The following CATSPER1 variants were observed in gnomAD, a reference collection of about 807,000 sequenced individuals.
CATSPER1 encodes the protein cation channel sperm associated 1, also known as cation channel sperm-associated protein 1.
In CATSPER1, 57 loss-of-function variants were observed where a neutral mutation model predicts 72.7. That is an observed-to-expected ratio of 0.78 (90% CI 0.63 to 0.98). The LOEUF (loss-of-function observed/expected upper bound fraction) is 0.98. Among genes scored for constraint, CATSPER1 ranks in the 50% least tolerant of loss-of-function variants. The pLI is 0.00. For missense variants in CATSPER1, 910 were observed against 1,033.9 expected, an observed-to-expected ratio of 0.88 and a Z score of 1.64; for synonymous variants, 363 against 403.0, an observed-to-expected ratio of 0.90 and a Z score of 1.19.
chr11:66,019,016 G>A, intron 9 of CATSPER1, 114 bp from the exon 10 acceptor site: 1 of 878,456 alleles, frequency 1.1e-6, no homozygotes, highest in South Asian at 1.4e-5. Context: ...GCTGCTCCAG[G>A]AGGTTGCTTC....
At position 66,021,576 on chromosome 11, in the gene CATSPER1, G is replaced by A. The variant is rs757135673; in HGVS notation, c.1611C>T (p.Tyr537=). The A allele has an allele frequency of 6.2e-7, 1 of 1,613,310 alleles. No homozygotes were observed. The highest frequency in any genetic ancestry group is 8.5e-7 in the Non-Finnish European group (1 of 1,179,672). ...TGAGGATCCGGAAGAGGCTTTGGTGGTAGATGGCGAAGGAGTGGGTCTGCA... is the reference window on the plus strand; with the variant it reads ...TGAGGATCCGGAAGAGGCTTTGGTGATAGATGGCGAAGGAGTGGGTCTGCA... ...LLMQTHSFAI[Y]HQSLFRILKV... is the part of the protein sequence containing the mutation. Residue 537 remains tyrosine (Y), a synonymous_variant, in exon 4 of 12, where the codon TAC becomes TAT. Transcript: ENST00000312106.
At chr11:66,017,797 C>T (rs1856269647) in intron 10 of CATSPER1, among the ~76,000 whole-genome samples, 1 of 152,186 alleles carries the variant, frequency 6.6e-6, no homozygotes, top group South Asian at 2.1e-4. Flanking sequence ...GCTGCTGACA[C>T]TTTGAGGCAT....
At position 66,018,249 on chromosome 11, in the gene CATSPER1, C is replaced by T. The variant is rs1056254433; in HGVS notation, c.2201+578G>A. ...GAAAAAAGAAAAAAAGAGAAAGATACATGAGGGTTTACCAGGCTTGGGCAG... is the reference window on the plus strand; with the variant it reads ...GAAAAAAGAAAAAAAGAGAAAGATATATGAGGGTTTACCAGGCTTGGGCAG... On this transcript the variant is annotated intron_variant, in intron 10 of 11. Transcript: ENST00000312106. 5.9e-5 allele frequency among the ~76,000 whole-genome samples: 9 copies of T among 151,276 alleles called. 1 individual carries two copies. In the South Asian group the frequency reaches 1.0e-3, roughly 18 times the overall value.
In CATSPER1 at chr11:66,017,193, G is replaced by GGGGGGGGGGGGA; in HGVS notation, c.2202-20_2202-19insTCCCCCCCCCCC. On this transcript the variant is annotated intron_variant, in intron 10 of 11. Coordinates refer to ENST00000312106, the MANE Select transcript of CATSPER1 (RefSeq NM_053054.4). ...CTGCTGCCTGCGGGTGGGCGGGGGG[G>GGGGGGGGGGGGA]TCGCAGAGACAGGGGCTGGGCTGAC... 4.1e-6 allele frequency: 2 copies of GGGGGGGGGGGGA among 493,810 alleles called. No individual in the cohort carries two copies. The highest frequency in any genetic ancestry group is 4.0e-6 in the Non-Finnish European group (1 of 252,616). 30.6% of individuals were successfully genotyped at this position (493,810 alleles called of 1,614,324 possible).
In CATSPER1 at chr11:66,023,093, G is replaced by A. The variant is rs1856411456; in HGVS notation, c.1217-32C>T. Reference sequence around the variant, plus strand: ...GGAACAGGGCCAGAAAGTCAAGTGTGTGCAAGAGGGGACACGAGGTCCCAG... The same window carrying A: ...GGAACAGGGCCAGAAAGTCAAGTGTATGCAAGAGGGGACACGAGGTCCCAG... On this transcript the variant is annotated intron_variant, in intron 1 of 11. Coordinates refer to ENST00000312106, the MANE Select transcript of CATSPER1 (RefSeq NM_053054.4). 1.9e-6 allele frequency: 3 copies of A among 1,592,988 alleles called. No homozygotes were observed. In the African/African-American group the frequency reaches 4.0e-5, roughly 21 times the overall value.
In CATSPER1 at chr11:66,021,559, C is replaced by A; in HGVS notation, c.1628G>T (p.Arg543Leu). 6.2e-7 allele frequency: 1 copy of A among 1,613,750 alleles called. No individual in the cohort carries two copies. The highest frequency in any genetic ancestry group is 8.5e-7 in the Non-Finnish European group (1 of 1,179,910). ...SFAIYHQSLF[R>L]ILKVFKSLRA... ...CAGGCTCTTGAAGACCTTGAGGATC[C>A]GGAAGAGGCTTTGGTGGTAGATGGC... The change falls in exon 4 of 12, where the codon CGG becomes CTG. Residue 543 changes from arginine (R) to leucine (L), a missense_variant. Arg to Leu is a moderately radical substitution (Grantham distance 102). Transcript: ENST00000312106.
Position 66,017,124 on chromosome 11 carries a change from T to C in CATSPER1, c.2252A>G (p.Gln751Arg), listed in dbSNP as rs1856254246. 3 of 1,476,698 alleles carry C rather than the reference T, an allele frequency of 2.0e-6. No homozygotes were observed. The highest frequency in any genetic ancestry group is 2.9e-5 in the African/African-American group (2 of 69,586). 91.5% of individuals were successfully genotyped at this position (1,476,698 alleles called of 1,614,324 possible). A position where few individuals can be genotyped will look rare whatever the true frequency, so the allele number is the denominator to read the frequency against. The change falls in exon 11 of 12, where the codon CAG becomes CGG. Residue 751 changes from glutamine to arginine, a missense_variant. Transcript: ENST00000312106. ...HYLQLVASVE[Q>R]EQQKFRSQAA... ...CTGGGAGCGGAACTTCTGCTGCTCCTGCTCCACGCTTGCCACCAGCTGCAG... is the reference window on the plus strand; with the variant it reads ...CTGGGAGCGGAACTTCTGCTGCTCCCGCTCCACGCTTGCCACCAGCTGCAG...
chr11:66,022,515 C>T (rs946639782), intron 2 of CATSPER1, among the ~76,000 whole-genome samples: 1 of 152,250 alleles, frequency 6.6e-6, no homozygotes, highest in East Asian at 1.9e-4. Context: ...TACATCCTCG[C>T]CCCTCCAGGG....
In CATSPER1 at chr11:66,020,660, C is replaced by T. The variant is rs1856342986; in HGVS notation, c.1928-33G>A. ...GAGCAGGCCAGAGGGCACAGTCAGG[C>T]TGTGCTCGCCACCCCCAACCACGAC... On this transcript the variant is annotated intron_variant, in intron 6 of 11. Coordinates refer to ENST00000312106, the MANE Select transcript of CATSPER1 (RefSeq NM_053054.4). The surrounding 1 kb of genome is among the most constrained non-coding windows in gnomAD (Gnocchi z 4.5). The T allele has an allele frequency of 6.2e-7, 1 of 1,603,286 alleles. No homozygotes were observed. The highest frequency in any genetic ancestry group is 8.5e-7 in the Non-Finnish European group (1 of 1,172,262).
chr11:66,019,512 G>T (rs1410230388), intron 9 of CATSPER1, among the ~76,000 whole-genome samples: 7 of 151,966 alleles, frequency 4.6e-5, no homozygotes, highest in African/African-American at 1.7e-4. Context: ...GCTGACCTCA[G>T]GTGATCCGCC....
rs1565074167 is a variant in CATSPER1 at position 66,025,519 on chromosome 11, CTG to C, written c.859_860del (p.Gln287AlafsTer163). On this transcript the variant is annotated frameshift_variant, in exon 1 of 12. Coordinates refer to ENST00000312106, the MANE Select transcript of CATSPER1 (RefSeq NM_053054.4). LOFTEE classifies it high-confidence loss of function. Reference protein sequence around the residue: ...YHHGDHPHHTQHHYHQTHRHR... With the variant: ...YHHGDHPHHTXHHYHQTHRHR... The stretch of plus-strand genomic sequence containing the variant: ...GCCGGTGGGTCTGGTGGTAGTGGTG[CTG>C]TGTGTGGTGGGGATGGTCGCCATGG... 1 of 1,604,644 alleles carries C rather than the reference CTG, an allele frequency of 6.2e-7. No homozygotes were observed. Among genetic ancestry groups the C allele is most frequent in the Non-Finnish European group, 8.5e-7 (1 of 1,176,060 alleles).
Position 66,017,193 on chromosome 11 carries a change from G to GCCCC in CATSPER1, c.2202-20_2202-19insGGGG. On this transcript the variant is annotated intron_variant, in intron 10 of 11. Transcript: ENST00000312106. Reference sequence around the variant, plus strand: ...CTGCTGCCTGCGGGTGGGCGGGGGGGTCGCAGAGACAGGGGCTGGGCTGAC... The same window carrying GCCCC: ...CTGCTGCCTGCGGGTGGGCGGGGGGGCCCCTCGCAGAGACAGGGGCTGGGCTGAC... The GCCCC allele has an allele frequency of 6.1e-6, 3 of 493,794 alleles. No homozygotes were observed. Among genetic ancestry groups the GCCCC allele is most frequent in the East Asian group, 5.5e-5 (1 of 18,090 alleles). The allele number at this position is 493,794 out of a possible 1,614,324, so 30.6% of individuals were successfully genotyped here. A position where few individuals can be genotyped will look rare whatever the true frequency, so the allele number is the denominator to read the frequency against.
rs17846029 is a variant in CATSPER1, at chr11:66,025,984, G to A, written c.396C>T (p.Tyr132=). ...AGTCACTCTGCTGATGGAACCCACC[G>A]TATTGGGACCCATCATGATGCCTCC... ...DGRRHHDGSQ[Y]GGFHQQSDSH... The change falls in exon 1 of 12, where the codon TAC becomes TAT. Residue 132 remains tyrosine, a synonymous_variant. Coordinates refer to ENST00000312106, the MANE Select transcript of CATSPER1 (RefSeq NM_053054.4). 4.0e-4 allele frequency: 644 copies of A among 1,613,936 alleles called. 2 individuals are homozygous for A. Among genetic ancestry groups the A allele is most frequent in the Admixed American group, 1.2e-3 (74 of 60,004 alleles).
chr11:66,019,299 C>T (rs1355356694), intron 9 of CATSPER1, among the ~76,000 whole-genome samples: 14 of 149,596 alleles, frequency 9.4e-5, no homozygotes, highest in African/African-American at 2.7e-4. Flanking sequence ...TTTTTTGAGA[C>T]GGAATCTCAC....
chr11:66,021,107 C>T lies in CATSPER1; in HGVS notation c.1770G>A (p.Met590Ile). ...LPSIAAILIL[M>I]FTCLFLFSAV... is the part of the protein sequence containing the mutation. ...GCACCAGGATACAGAGGCAGGTAAA[C>T]ATGAGGATGAGGATGGCTGCGATGG... Residue 590 changes from methionine (M) to isoleucine (I), a missense_variant, in exon 5 of 12, where the codon ATG becomes ATA. By Grantham distance (10) the Met-to-Ile change is conservative (BLOSUM62 1). Coordinates refer to ENST00000312106, the MANE Select transcript of CATSPER1 (RefSeq NM_053054.4). 6.2e-7 allele frequency: 1 copy of T among 1,612,458 alleles called. No individual in the cohort carries two copies. The highest frequency in any genetic ancestry group is 8.5e-7 in the Non-Finnish European group (1 of 1,179,508).
chr11:66,021,740 C>T (rs375866031), intron 3 of CATSPER1, 26 bp downstream of exon 3: 24 of 1,611,678 alleles, frequency 1.5e-5, no homozygotes, highest in African/African-American at 4.0e-5. Context: ...ACTAAACACA[C>T]GCAGCCTGGC....
intron 10 of CATSPER1, among the ~76,000 whole-genome samples, chr11:66,017,846 G>A (rs558199277): frequency 1.6e-4 from 25 of 152,296 alleles, no homozygotes; most frequent in Admixed American, 2.6e-4. Context: ...GGGAAACCTC[G>A]CCTGATGCTG....
At chr11:66,018,145 T>C (rs949625273) in intron 10 of CATSPER1, among the ~76,000 whole-genome samples, 2 of 149,784 alleles carry the variant, frequency 1.3e-5, no homozygotes, top group African/African-American at 4.9e-5. Context: ...GAGGCGGAGG[T>C]TGCAGTGAGC....
chr11:66,022,629 A>G (rs1369085040), intron 2 of CATSPER1, among the ~76,000 whole-genome samples: 1 of 152,218 alleles, frequency 6.6e-6, no homozygotes, highest in East Asian at 1.9e-4. Context: ...CTGCGGCGCG[A>G]ACAGCACCGC....
Sources: gnomAD v4.1 joint callset for allele counts (sites outside exome capture counted in the v4.1 genomes callset) on GRCh38, gnomAD v4.1.1 for gene constraint, Gnocchi (gnomAD v3.1) non-coding constraint, MANE v1.5 for transcripts, NCBI Gene and HGNC (gene_info 2026-07-23, HGNC 2026-07-21) for gene names.